SORL1: variants seen among roughly 807,000 people sequenced by gnomAD.
The protein encoded by SORL1 is sortilin related receptor 1, also known as sortilin-related receptor.
In SORL1, 127 loss-of-function variants were observed where a neutral mutation model predicts 273.7. That is an observed-to-expected ratio of 0.46 (90% confidence interval 0.40 to 0.54). The LOEUF (loss-of-function observed/expected upper bound fraction) is 0.54. Among genes scored for constraint, SORL1 ranks in the 20% least tolerant of loss-of-function variants. The pLI is 0.00. For missense variants in SORL1, 2,494 were observed against 2,846.1 expected, an observed-to-expected ratio of 0.88 and a Z score of 2.81; for synonymous variants, 1,031 against 1,067.4, an observed-to-expected ratio of 0.97 and a Z score of 0.66.
intron 11 of SORL1, 21 bp downstream of exon 11, chr11:121,523,010 C>G: frequency 2.0e-6 from 3 of 1,491,370 alleles, no homozygotes; most frequent in Non-Finnish European, 2.8e-6. Context: ...TCCCCCAATC[C>G]CGTCCCCTCC....
chr11:121,569,169 G>A (rs4559697), intron 22 of SORL1, among the ~76,000 whole-genome samples: 59,129 of 150,120 alleles, frequency 0.39, 12,448 homozygotes, highest in East Asian at 0.56. Context: ...TCCTATGCCT[G>A]TCTTTACTTT....
chr11:121,590,778 G>A (rs1162219554), intron 30 of SORL1: 1 of 751,016 alleles, frequency 1.3e-6, no homozygotes, highest in Non-Finnish European at 2.4e-6. Flanking sequence ...ATCAAATATA[G>A]TAAGGGAAAT....
At chr11:121,536,495 G>C (rs1190952788) in intron 12 of SORL1, among the ~76,000 whole-genome samples, 3 of 142,586 alleles carry the variant, frequency 2.1e-5, no homozygotes, top group Non-Finnish European at 4.5e-5. Flanking sequence ...CCTCTTCCCA[G>C]ACTCAAGCGG....
In SORL1 at chr11:121,488,015, C is replaced by G; in HGVS notation, c.529-17C>G. The G allele has an allele frequency of 1.2e-6, 2 of 1,613,680 alleles. No individual in the cohort carries two copies. Among genetic ancestry groups the G allele is most frequent in the Non-Finnish European group, 1.7e-6 (2 of 1,179,728 alleles). On this transcript the variant is annotated splice_polypyrimidine_tract_variant and intron_variant, in intron 3 of 47. Transcript: ENST00000260197. ...CTGGACAGGGCCTGCTCTCAACTTA[C>G]CTGTTTTCCCTTGCAGTACATCTTT...
intron 8 of SORL1, 102 bp downstream of exon 8, chr11:121,514,423 A>G: frequency 8.3e-7 from 1 of 1,209,254 alleles, no homozygotes; most frequent in Non-Finnish European, 1.1e-6. Context: ...ATGTGGATAC[A>G]CCCGGGGAGC....
At chr11:121,607,837 C>T (rs1022189923) in intron 37 of SORL1, among the ~76,000 whole-genome samples, 1 of 152,120 alleles carries the variant, frequency 6.6e-6, no homozygotes, top group Non-Finnish European at 1.5e-5. Context: ...TACACCTGCC[C>T]TTTAGAAGAA....
At chr11:121,561,388 G>A (rs887849740) in intron 21 of SORL1, among the ~76,000 whole-genome samples, 2 of 152,174 alleles carry the variant, frequency 1.3e-5, no homozygotes, top group Non-Finnish European at 1.5e-5. Flanking sequence ...TGGTGTCTTG[G>A]TGCCAGTCAG....
intron 26 of SORL1, among the ~76,000 whole-genome samples, 171 bp from the exon 27 acceptor site, chr11:121,586,051 T>C (rs1205569643): frequency 6.6e-6 from 1 of 152,234 alleles, no homozygotes; most frequent in Non-Finnish European, 1.5e-5. Flanking sequence ...AATACATTTC[T>C]ACAAAAGTAG....
Position 121,520,061 on chromosome 11 carries a change from G to A in SORL1, c.1212-596G>A, listed in dbSNP as rs574458531. 3.9e-5 allele frequency among the ~76,000 whole-genome samples: 6 copies of A among 152,214 alleles called. No homozygotes were observed. The South Asian group carries it at 1.2e-3, about 32-fold the overall frequency. ...AGCTGAGGAGTTCAAGACCAGCCTC[G>A]GCAACATGGCGAAACCCCATCTCTA... On this transcript the variant is annotated intron_variant, in intron 8 of 47. Coordinates refer to ENST00000260197, the MANE Select transcript of SORL1 (RefSeq NM_003105.6).
At chr11:121,529,218 A>G (rs1224960728) in intron 11 of SORL1, among the ~76,000 whole-genome samples, 1 of 151,758 alleles carries the variant, frequency 6.6e-6, no homozygotes, top group East Asian at 1.9e-4. Context: ...TACTATTTGG[A>G]TATTACATCT....
At chr11:121,522,882 G>A in intron 10 of SORL1, 34 bp from the exon 11 acceptor site, 1 of 1,579,522 alleles carries the variant, frequency 6.3e-7, no homozygotes. Flanking sequence ...ACATATTCTT[G>A]AAATTAAAAA....
At chr11:121,609,965 TATG>T (rs1241016984) in intron 38 of SORL1, 16 of 152,242 alleles carry the variant, frequency 1.1e-4, no homozygotes, top group Admixed American at 1.0e-3. Context: ...AGCTTTACCA[TATG>T]CAGCACTCGC....
chr11:121,523,492 C>T (rs1358660573), intron 11 of SORL1, among the ~76,000 whole-genome samples: 1 of 151,980 alleles, frequency 6.6e-6, no homozygotes, highest in African/African-American at 2.4e-5. Context: ...TCTCTTTTTG[C>T]CTTAAGGTTG....
intron 16 of SORL1, among the ~76,000 whole-genome samples, chr11:121,553,056 C>G (rs1480443352): frequency 2.0e-5 from 3 of 152,208 alleles, no homozygotes; most frequent in Non-Finnish European, 2.9e-5. Flanking sequence ...ATTTCTACAT[C>G]TTAAAAATCA....
intron 3 of SORL1, among the ~76,000 whole-genome samples, chr11:121,484,273 G>A (rs1290419146): frequency 6.6e-6 from 1 of 152,192 alleles, no homozygotes; most frequent in Non-Finnish European, 1.5e-5. Flanking sequence ...TATTGTGGCA[G>A]TGTAGGCATG....
intron 1 of SORL1, among the ~76,000 whole-genome samples, chr11:121,454,251 TC>T: frequency 6.6e-6 from 1 of 152,350 alleles, no homozygotes; most frequent in Non-Finnish European, 1.5e-5. Context: ...TCTGCTGTGC[TC>T]TTGAATCAGC....
chr11:121,479,781 A>G (rs1861343428), intron 3 of SORL1, among the ~76,000 whole-genome samples: 1 of 152,224 alleles, frequency 6.6e-6, no homozygotes, highest in Admixed American at 6.5e-5. Context: ...TTACTGGTAC[A>G]TACTTGTTAA....
intron 12 of SORL1, among the ~76,000 whole-genome samples, chr11:121,539,073 T>C (rs1347635003): frequency 6.6e-6 from 1 of 152,228 alleles, no homozygotes; most frequent in African/African-American, 2.4e-5. Flanking sequence ...TTGACAGATG[T>C]GTTGAGCTCT....
chr11:121,514,851 C>T (rs551432346), intron 8 of SORL1, among the ~76,000 whole-genome samples: 15 of 152,244 alleles, frequency 9.9e-5, no homozygotes, highest in East Asian at 3.9e-4. Flanking sequence ...TGGGCGGTCT[C>T]GGAGCACCAC....
Sources: allele counts gnomAD v4.1 joint callset (sites outside exome capture counted in the v4.1 genomes callset), GRCh38; gene constraint gnomAD v4.1.1; transcripts MANE v1.5; gene names NCBI Gene and HGNC (gene_info 2026-07-23, HGNC 2026-07-21).